Variants in CD244 observed in about 807,000 individuals in gnomAD.
CD244 encodes the protein natural killer cell receptor 2B4.
Under a neutral mutation model 45.5 loss-of-function variants are expected in CD244, and 20 were observed. That is an observed-to-expected ratio of 0.44 (90% CI 0.31 to 0.64). CD244 has a LOEUF of 0.64. Ranked by LOEUF, CD244 falls within the 30% of genes least tolerant of loss-of-function variation. The pLI, the probability that CD244 is intolerant of heterozygous loss-of-function variation, is 0.08. For missense variants in CD244, 407 were observed against 426.9 expected (o/e 0.95, Z 0.41); for synonymous variants, 185 against 160.5 (o/e 1.15, Z -1.15).
intron 7 of CD244, 27 bp from the exon 8 acceptor site, chr1:160,832,602 T>G (rs1669165133): frequency 6.2e-7 from 1 of 1,611,852 alleles, no homozygotes; most frequent in African/African-American, 1.3e-5. Context: ...TAAAGAATAC[T>G]TAACTTCGAG....
chr1:160,848,373 T>C (rs1669808082), intron 1 of CD244: 2 of 568,508 alleles, frequency 3.5e-6, no homozygotes, highest in African/African-American at 1.9e-5. Context: ...ACTGAATGGA[T>C]GGATGGCAAG....
intron 1 of CD244, among the ~76,000 whole-genome samples, chr1:160,848,731 G>A (rs1484744962): frequency 6.6e-6 from 1 of 150,884 alleles, no homozygotes; most frequent in Non-Finnish European, 1.5e-5. Flanking sequence ...AAGAGGACTG[G>A]GCTTGGAGAG....
chr1:160,841,813 GCTGTCAAC>G lies in CD244; in HGVS notation c.142_149del (p.Val48HisfsTer31). On this transcript the variant is annotated frameshift_variant, in exon 2 of 9. Coordinates refer to ENST00000368034, the MANE Select transcript of CD244 (RefSeq NM_016382.4). LOFTEE classifies it high-confidence loss of function. The stretch of plus-strand genomic sequence containing the variant: ...AGGGCAGCAACTTCTTCCATGCAAT[GCTGTCAAC>G]CTTCGTCTGTATGCTGTTTGGTTGT... 6.2e-7 allele frequency: 1 copy of G among 1,614,106 alleles called. No homozygotes were observed. Among genetic ancestry groups the G allele is most frequent in the Non-Finnish European group, 8.5e-7 (1 of 1,179,984 alleles).
intron 1 of CD244, among the ~76,000 whole-genome samples, chr1:160,859,568 A>G (rs1670220576): frequency 6.6e-6 from 1 of 152,198 alleles, no homozygotes; most frequent in Non-Finnish European, 1.5e-5. Flanking sequence ...ATCTGCTGTC[A>G]ATGGGCACAG....
rs144314595 is a variant in CD244 at position 160,852,955 on chromosome 1, G to A, written c.61+9662C>T. On this transcript the variant is annotated intron_variant, in intron 1 of 8. Transcript: ENST00000368034. The stretch of plus-strand genomic sequence containing the variant: ...GGAGAATCACTTAAATCTGAGAGGC[G>A]GAGGTTGCAGTGAGCCAAGATCATG... 1.4e-3 allele frequency among the ~76,000 whole-genome samples: 218 copies of A among 151,666 alleles called. 3 individuals carry two copies. In the East Asian group the frequency reaches 0.03, roughly 21 times the overall value.
chr1:160,848,941 G>A (rs1209194175), intron 1 of CD244, among the ~76,000 whole-genome samples: 1 of 152,186 alleles, frequency 6.6e-6, no homozygotes, highest in Non-Finnish European at 1.5e-5. Flanking sequence ...CCAAGGAGGG[G>A]GTTGTGAGAA....
At chr1:160,838,430 C>G in intron 5 of CD244, 21 bp downstream of exon 5, 1 of 1,589,312 alleles carries the variant, frequency 6.3e-7, no homozygotes, top group Non-Finnish European at 8.6e-7. Context: ...GAGAGAGACC[C>G]CAGCCTCCGG....
In CD244 at chr1:160,845,260, A is replaced by G. The variant is rs145576579; in HGVS notation, c.62-3359T>C. On this transcript the variant is annotated intron_variant, in intron 1 of 8. Transcript: ENST00000368034. ...GTAAAATAACTGTAAAACAAACTCAATTGAAAGGTTAAAAAGGCCATTTAG... is the reference window on the plus strand; with the variant it reads ...GTAAAATAACTGTAAAACAAACTCAGTTGAAAGGTTAAAAAGGCCATTTAG... 1.4e-3 allele frequency among the ~76,000 whole-genome samples: 214 copies of G among 152,316 alleles called. 2 individuals are homozygous for G. The highest frequency in any genetic ancestry group is 4.9e-3 in the African/African-American group (202 of 41,574).
At chr1:160,838,773 G>A in intron 4 of CD244, 166 bp downstream of exon 4, 1 of 619,284 alleles carries the variant, frequency 1.6e-6, no homozygotes, top group East Asian at 2.7e-5. Flanking sequence ...CTGGGAGAGA[G>A]AGCCTAGCAA....
At chr1:160,839,774 T>C (rs1669467891) in intron 3 of CD244, among the ~76,000 whole-genome samples, 1 of 152,206 alleles carries the variant, frequency 6.6e-6, no homozygotes. Context: ...GAGGGACATG[T>C]AGCACAACAA....
chr1:160,832,129 T>C (rs1669147485), intron 8 of CD244, among the ~76,000 whole-genome samples: 1 of 152,150 alleles, frequency 6.6e-6, no homozygotes, highest in South Asian at 2.1e-4. Context: ...TGTCCTGGAA[T>C]GGCTCCCAAA....
chr1:160,854,889 G>A (rs888679105), intron 1 of CD244, among the ~76,000 whole-genome samples: 11 of 152,180 alleles, frequency 7.2e-5, no homozygotes, highest in Admixed American at 1.3e-4. Context: ...CAACTGGAAG[G>A]AAACTGTACT....
intron 7 of CD244, among the ~76,000 whole-genome samples, chr1:160,833,121 G>T (rs541749948): frequency 1.1e-3 from 160 of 152,072 alleles, no homozygotes; most frequent in Non-Finnish European, 1.7e-3. Context: ...GAATTCAGAG[G>T]CACATTCAGT....
intron 1 of CD244, among the ~76,000 whole-genome samples, chr1:160,846,927 T>C (rs757690799): frequency 1.3e-5 from 2 of 152,294 alleles, no homozygotes; most frequent in Non-Finnish European, 1.5e-5. Flanking sequence ...ATTCAAACTA[T>C]ATTGTTGGAG....
At chr1:160,854,964 A>G (rs925259072) in intron 1 of CD244, among the ~76,000 whole-genome samples, 1 of 152,234 alleles carries the variant, frequency 6.6e-6, no homozygotes, top group Non-Finnish European at 1.5e-5. Flanking sequence ...CACAGACAGC[A>G]GGTCCCAGGT....
chr1:160,839,023 T>A lies in CD244; in HGVS notation c.682A>T (p.Ile228Phe). Residue 228 changes from isoleucine (I) to phenylalanine (F), a missense_variant, in exon 4 of 9, where the codon ATC (isoleucine) becomes TTC (phenylalanine). Physicochemically the swap from Ile to Phe is conservative, Grantham distance 21. Transcript: ENST00000368034. ...QEFRFWPFLV[I>F]IVILSALFLG... ...AACAGTGCGCTTAGAATCACGATGA[T>A]CACCAAAAACGGCCAAAATCTGAAT... 6.2e-7 allele frequency: 1 copy of A among 1,613,870 alleles called. No individual in the cohort carries two copies. The highest frequency in any genetic ancestry group is 1.7e-4 in the Middle Eastern group (1 of 6,060).
chr1:160,853,403 C>T (rs1669988207), intron 1 of CD244, among the ~76,000 whole-genome samples: 1 of 152,154 alleles, frequency 6.6e-6, no homozygotes, highest in African/African-American at 2.4e-5. Context: ...AAAGGAATGA[C>T]TGGGTGCTAG....
intron 1 of CD244, among the ~76,000 whole-genome samples, chr1:160,862,366 G>A (rs1271191358): frequency 6.6e-6 from 1 of 152,222 alleles, no homozygotes; most frequent in South Asian, 2.1e-4. Context: ...ATTGAAGCCA[G>A]TGGGAAGGAA....
Position 160,839,027 on chromosome 1 carries a change from C to G in CD244, c.678G>C (p.Leu226Phe), listed in dbSNP as rs765187856. Residue 226 changes from leucine to phenylalanine, a missense_variant, in exon 4 of 9, where the codon TTG becomes TTC. Coordinates refer to ENST00000368034, the MANE Select transcript of CD244 (RefSeq NM_016382.4). ...GTGCGCTTAGAATCACGATGATCAC[C>G]AAAAACGGCCAAAATCTGAATTCTG... ...AHQEFRFWPF[L>F]VIIVILSALF... 5.6e-6 allele frequency: 9 copies of G among 1,613,454 alleles called. No individual in the cohort carries two copies. In the South Asian group the frequency reaches 9.9e-5, roughly 18 times the overall value.
Sources: gnomAD v4.1 joint callset for allele counts (sites outside exome capture counted in the v4.1 genomes callset) on GRCh38, gnomAD v4.1.1 for gene constraint, MANE v1.5 for transcripts, NCBI Gene and HGNC (gene_info 2026-07-23, HGNC 2026-07-21) for gene names.